The following ZFHX3 variants were observed in gnomAD, a reference collection of about 807,000 sequenced individuals.
ZFHX3 encodes the protein zinc finger homeobox protein 3.
Under a neutral mutation model 279.1 loss-of-function variants are expected in ZFHX3, and 42 were observed. The ratio of observed to expected loss-of-function variants is 0.15; its 90% CI spans 0.12 to 0.19. The LOEUF is 0.19. Ranked by LOEUF, ZFHX3 falls within the 10% of genes least tolerant of loss-of-function variation. The probability of loss-of-function intolerance (pLI) is 1.00; values close to 1 mark genes in which losing one functional copy is unlikely to be tolerated. For synonymous variants in ZFHX3, 2,293 were observed against 1,957.8 expected, an observed-to-expected ratio of 1.17 and a Z score of -4.52; for missense variants, 4,981 against 4,754.0, an observed-to-expected ratio of 1.05 and a Z score of -1.40.
chr16:73,536,192 A>T (rs1468250622), intron 2 of ZFHX3, among the ~76,000 whole-genome samples: 1 of 152,240 alleles, frequency 6.6e-6, no homozygotes, highest in Non-Finnish European at 1.5e-5. Flanking sequence ...CTACAGGTAT[A>T]GCTATCTTTA....
chr16:72,831,760 G>T (rs551802850), intron 4 of ZFHX3, among the ~76,000 whole-genome samples: 6 of 152,062 alleles, frequency 3.9e-5, no homozygotes, highest in Non-Finnish European at 8.8e-5. Flanking sequence ...TATTGCATTC[G>T]GTCTACCCAG....
intron 5 of ZFHX3, among the ~76,000 whole-genome samples, chr16:73,159,399 G>C (rs79410984): frequency 0.11 from 16,142 of 152,166 alleles, 1,247 homozygotes; most frequent in East Asian, 0.3. Flanking sequence ...CCAATGGGAG[G>C]ATAGCTAAGG....
intron 2 of ZFHX3, among the ~76,000 whole-genome samples, chr16:73,539,951 G>A (rs914565307): frequency 2.0e-5 from 3 of 152,146 alleles, no homozygotes; most frequent in African/African-American, 4.8e-5. Flanking sequence ...TATGAATATC[G>A]GTAGGAATTT....
intron 2 of ZFHX3, among the ~76,000 whole-genome samples, chr16:73,654,258 G>A (rs9921684): frequency 0.97 from 147,519 of 151,898 alleles, 71,662 homozygotes; most frequent in East Asian, 1. Context: ...ATTTAAGTAC[G>A]ACATTTAACA....
intron 5 of ZFHX3, among the ~76,000 whole-genome samples, chr16:72,823,147 C>T (rs932234238): frequency 6.6e-6 from 1 of 152,160 alleles, no homozygotes; most frequent in Non-Finnish European, 1.5e-5. Context: ...GACACAGTCA[C>T]ACAATTCCAA....
intron 1 of ZFHX3, among the ~76,000 whole-genome samples, chr16:73,683,676 G>A (rs1170989835): frequency 6.6e-6 from 1 of 151,978 alleles, no homozygotes; most frequent in African/African-American, 2.4e-5. Context: ...TGAGTAGCGG[G>A]GATTACATGT....
intron 1 of ZFHX3, among the ~76,000 whole-genome samples, chr16:73,781,764 G>T (rs900176048): frequency 6.6e-6 from 1 of 152,108 alleles, no homozygotes; most frequent in African/African-American, 2.4e-5. Context: ...CAAGGTGGGC[G>T]AATCACGAGG....
chr16:73,484,449 A>C (rs1446947004), intron 2 of ZFHX3, among the ~76,000 whole-genome samples: 1 of 152,182 alleles, frequency 6.6e-6, no homozygotes, highest in Non-Finnish European at 1.5e-5. Context: ...GAGATGGCCT[A>C]ATTCCATGTC....
chr16:73,558,484 C>G, intron 2 of ZFHX3: 1 of 152,282 alleles, frequency 6.6e-6, no homozygotes, highest in African/African-American at 2.4e-5. Context: ...TTTCTACCAC[C>G]ACGCCTGGAG....
intron 4 of ZFHX3, among the ~76,000 whole-genome samples, chr16:72,847,970 G>C (rs541073972): frequency 1.3e-5 from 2 of 152,280 alleles, no homozygotes; most frequent in African/African-American, 4.8e-5. Flanking sequence ...TGTGTTTTGG[G>C]GAAGGGGTCA....
chr16:73,519,755 C>T (rs551059465), intron 2 of ZFHX3, among the ~76,000 whole-genome samples: 3 of 152,270 alleles, frequency 2.0e-5, no homozygotes, highest in African/African-American at 7.2e-5. Context: ...GAAGTGTTAC[C>T]ATTCCACTGA....
intron 1 of ZFHX3, among the ~76,000 whole-genome samples, chr16:73,713,337 A>AC (rs1391838969): frequency 6.6e-6 from 1 of 152,208 alleles, no homozygotes; most frequent in African/African-American, 2.4e-5. Context: ...AGCAAGTCCT[A>AC]CCAGCACAAA....
intron 1 of ZFHX3, among the ~76,000 whole-genome samples, chr16:73,851,662 C>T (rs145181953): frequency 2.6e-4 from 39 of 152,228 alleles, no homozygotes; most frequent in African/African-American, 8.4e-4. Context: ...GAGGGGACGA[C>T]GAAGCTAAAA....
At chr16:72,844,600 A>C (rs1012791653) in intron 4 of ZFHX3, among the ~76,000 whole-genome samples, 44 of 152,228 alleles carry the variant, frequency 2.9e-4, no homozygotes, top group African/African-American at 1.0e-3. Context: ...CCTTTGCTGT[A>C]AACAACTAAT....
intron 7 of ZFHX3, among the ~76,000 whole-genome samples, chr16:72,802,324 G>A (rs192832992): frequency 1.4e-4 from 21 of 151,978 alleles, no homozygotes; most frequent in Non-Finnish European, 2.4e-4. Flanking sequence ...GTCTCGCTGC[G>A]ACTTTAATCA....
chr16:73,171,992 G>A (rs978057373), intron 5 of ZFHX3, among the ~76,000 whole-genome samples: 6 of 152,090 alleles, frequency 3.9e-5, no homozygotes, highest in Non-Finnish European at 7.4e-5. Flanking sequence ...TAAAAAAATG[G>A]GAAAAAATTC....
chr16:73,863,248 C>G (rs867093748), intron 1 of ZFHX3, among the ~76,000 whole-genome samples: 14 of 152,174 alleles, frequency 9.2e-5, no homozygotes, highest in Middle Eastern at 6.8e-3. Flanking sequence ...TTAGTAGAAG[C>G]AGTCCCTAGA....
Position 72,839,639 on chromosome 16 carries a change from A to C in ZFHX3, c.3449-9780T>G, listed in dbSNP as rs192836885. ...AATTTGATAAAGCCCCACCCCCCCC[A>C]AAAAAAAGCTGGAGTTGATAGAAGA... On this transcript the variant is annotated intron_variant, in intron 4 of 9. Coordinates refer to ENST00000268489, the MANE Select transcript of ZFHX3 (RefSeq NM_006885.4). 4.5e-3 allele frequency among the ~76,000 whole-genome samples: 687 copies of C among 151,644 alleles called. 20 individuals are homozygous for C. In the East Asian group the frequency reaches 0.084, roughly 18 times the overall value.
At chr16:72,984,594 C>G (rs545570884) in intron 1 of ZFHX3, among the ~76,000 whole-genome samples, 1 of 150,986 alleles carries the variant, frequency 6.6e-6, no homozygotes, top group Non-Finnish European at 1.5e-5. Context: ...CCACTCCACT[C>G]CTGCCTGGGC....
Sources: gnomAD v4.1 joint callset for allele counts (sites outside exome capture counted in the v4.1 genomes callset) on GRCh38, gnomAD v4.1.1 for gene constraint, MANE v1.5 for transcripts, NCBI Gene and HGNC (gene_info 2026-07-23, HGNC 2026-07-21) for gene names.